Variants in RAB27A observed in about 807,000 individuals in gnomAD.
The protein encoded by RAB27A is ras-related protein Rab-27A.
RAB27A carries 17 observed loss-of-function variants against 20.8 expected under a neutral mutation model. That is an observed-to-expected ratio of 0.82 (90% CI 0.56 to 1.23). The LOEUF is 1.23. Ranked by LOEUF, RAB27A falls within the 50% of genes most tolerant of loss-of-function variation. RAB27A has a pLI of 0.00. For synonymous variants in RAB27A, 85 were observed against 92.8 expected, an observed-to-expected ratio of 0.92 and a Z score of 0.48; for missense variants, 277 against 266.7, an observed-to-expected ratio of 1.04 and a Z score of -0.27.
At chr15:55,264,803 G>A (rs1897402817) in intron 2 of RAB27A, among the ~76,000 whole-genome samples, 2 of 152,180 alleles carry the variant, frequency 1.3e-5, no homozygotes, top group Non-Finnish European at 2.9e-5. Context: ...CATTTAAGCA[G>A]TAGCTCATGA....
At chr15:55,209,811 C>A (rs1441402138) in intron 6 of RAB27A, among the ~76,000 whole-genome samples, 1 of 134,936 alleles carries the variant, frequency 7.4e-6, no homozygotes, top group Non-Finnish European at 1.5e-5. Flanking sequence ...CATATATACA[C>A]ACATGTGTGT....
intron 2 of RAB27A, among the ~76,000 whole-genome samples, chr15:55,246,929 A>C (rs982223581): frequency 2.6e-5 from 4 of 152,178 alleles, no homozygotes; most frequent in African/African-American, 9.7e-5. Flanking sequence ...AAGTTCTCCT[A>C]AATTCAAATA....
upstream of RAB27A, among the ~76,000 whole-genome samples, chr15:55,290,970 G>C (rs1015700559): frequency 6.6e-6 from 1 of 152,160 alleles, no homozygotes; most frequent in Admixed American, 6.5e-5. Flanking sequence ...CACCTTTCCA[G>C]TCTGTAGCTA....
At chr15:55,288,057 T>C (rs768910845) in intron 1 of RAB27A, among the ~76,000 whole-genome samples, 1 of 152,184 alleles carries the variant, frequency 6.6e-6, no homozygotes, top group Non-Finnish European at 1.5e-5. Flanking sequence ...AAAGTTGAAG[T>C]CAGACCCCCT....
upstream of RAB27A, chr15:55,290,536 T>G (rs1898282284): frequency 6.6e-6 from 1 of 152,042 alleles, no homozygotes; most frequent in South Asian, 2.1e-4. Context: ...TTTCTAAGAG[T>G]GTTAGAGCAA....
upstream of RAB27A, among the ~76,000 whole-genome samples, chr15:55,290,748 A>G (rs1898286982): frequency 6.6e-6 from 1 of 152,246 alleles, no homozygotes; most frequent in Non-Finnish European, 1.5e-5. Flanking sequence ...CATCCCTCTC[A>G]GTGGCCAGGA....
At chr15:55,258,924 A>T (rs1897178710) in intron 2 of RAB27A, among the ~76,000 whole-genome samples, 1 of 152,158 alleles carries the variant, frequency 6.6e-6, no homozygotes, top group African/African-American at 2.4e-5. Flanking sequence ...TCCTGCATTC[A>T]AGTGATTCTC....
intron 2 of RAB27A, among the ~76,000 whole-genome samples, chr15:55,309,667 G>A (rs1055359620): frequency 1.3e-5 from 2 of 152,138 alleles, no homozygotes; most frequent in Non-Finnish European, 2.9e-5. Context: ...CATCCTTAAG[G>A]TCCAGGACTG....
upstream of RAB27A, among the ~76,000 whole-genome samples, chr15:55,294,771 TTGGCAA>T (rs1259403148): frequency 6.6e-6 from 1 of 152,068 alleles, no homozygotes; most frequent in Non-Finnish European, 1.5e-5. Context: ...GACCCTGGGT[TTGGCAA>T]TGATATTTCT....
chr15:55,241,519 C>T (rs1474134541), intron 2 of RAB27A, among the ~76,000 whole-genome samples: 1 of 150,194 alleles, frequency 6.7e-6, no homozygotes, highest in Admixed American at 6.6e-5. Context: ...ACCTGTAATA[C>T]CAGTGACTGA....
chr15:55,260,744 G>T (rs766402068), intron 2 of RAB27A, among the ~76,000 whole-genome samples: 4 of 152,228 alleles, frequency 2.6e-5, no homozygotes, highest in Non-Finnish European at 5.9e-5. Flanking sequence ...ATAGTACAAA[G>T]ATCAGTGGTT....
chr15:55,296,962 GA>G (rs1162122415), intron 2 of RAB27A, among the ~76,000 whole-genome samples: 3 of 152,012 alleles, frequency 2.0e-5, no homozygotes, highest in Non-Finnish European at 1.5e-5. Context: ...AAAGACATCA[GA>G]AAAAAATATT....
chr15:55,212,461 C>T (rs1270711922), intron 6 of RAB27A, among the ~76,000 whole-genome samples: 1 of 151,994 alleles, frequency 6.6e-6, no homozygotes, highest in Non-Finnish European at 1.5e-5. Context: ...CAACTCCAGA[C>T]TATATTTCTG....
intron 2 of RAB27A, among the ~76,000 whole-genome samples, chr15:55,310,242 AG>A (rs1039596959): frequency 2.0e-5 from 3 of 152,170 alleles, no homozygotes; most frequent in Non-Finnish European, 2.9e-5. Context: ...ACAGATCTGG[AG>A]GACAGTTGTC....
At chr15:55,233,668 G>A (rs1896136773) in intron 3 of RAB27A, among the ~76,000 whole-genome samples, 1 of 152,114 alleles carries the variant, frequency 6.6e-6, no homozygotes, top group Non-Finnish European at 1.5e-5. Flanking sequence ...AAAGAGGAAT[G>A]CCTGCTAATA....
intron 6 of RAB27A, among the ~76,000 whole-genome samples, chr15:55,215,646 C>T (rs1373466507): frequency 1.0e-5 from 1 of 95,262 alleles, no homozygotes; most frequent in Non-Finnish European, 2.1e-5. Flanking sequence ...AGCGAGACTC[C>T]GTCTCAAAAA....
chr15:55,210,427 A>ATTTT (rs1894968220), intron 6 of RAB27A, among the ~76,000 whole-genome samples: 1 of 115,832 alleles, frequency 8.6e-6, no homozygotes, highest in African/African-American at 3.4e-5. Context: ...TTTTTTTTTG[A>ATTTT]GGGGGGGGGA....
At chr15:55,297,555 T>C (rs1349044145) in intron 2 of RAB27A, among the ~76,000 whole-genome samples, 1 of 152,246 alleles carries the variant, frequency 6.6e-6, no homozygotes, top group Non-Finnish European at 1.5e-5. Context: ...GCCATTCAGC[T>C]GGGGCCTCTT....
chr15:55,248,078 C>T (rs1468198465), intron 2 of RAB27A, among the ~76,000 whole-genome samples: 3 of 152,022 alleles, frequency 2.0e-5, no homozygotes, highest in East Asian at 1.9e-4. Flanking sequence ...GGACTCCAGG[C>T]GCCCATCACC....
Sources: gnomAD v4.1 joint callset for allele counts (sites outside exome capture counted in the v4.1 genomes callset) on GRCh38, gnomAD v4.1.1 for gene constraint, MANE v1.5 for transcripts, NCBI Gene and HGNC (gene_info 2026-07-23, HGNC 2026-07-21) for gene names.